SDK1: variants seen among roughly 807,000 people sequenced by gnomAD.
The protein encoded by SDK1 is sidekick cell adhesion molecule 1, also known as protein sidekick-1.
In SDK1, 157 loss-of-function variants were observed where a neutral mutation model predicts 245.5. The observed-to-expected ratio is 0.64, with a 90% CI of 0.56 to 0.73. The LOEUF (loss-of-function observed/expected upper bound fraction) is 0.73. Among genes scored for constraint, SDK1 ranks in the 30% least tolerant of loss-of-function variants. The pLI, the probability that SDK1 is intolerant of heterozygous loss-of-function variation, is 0.00. For synonymous variants in SDK1, 1,647 were observed against 1,278.5 expected, an observed-to-expected ratio of 1.29 and a Z score of -6.15; for missense variants, 3,583 against 3,002.3, an observed-to-expected ratio of 1.19 and a Z score of -4.52.
chr7:4,217,508 C>A (rs868795979), intron 38 of SDK1, among the ~76,000 whole-genome samples: 3,093 of 50,224 alleles, frequency 0.062, 87 homozygotes, highest in Non-Finnish European at 0.074. Flanking sequence ...CCACCCGGAG[C>A]ACCACACCAC....
At chr7:3,462,709 C>T (rs1780871108) in intron 1 of SDK1, among the ~76,000 whole-genome samples, 1 of 152,092 alleles carries the variant, frequency 6.6e-6, no homozygotes, top group South Asian at 2.1e-4. Context: ...ACCATATTTT[C>T]ACCTCAAACA....
chr7:3,676,459 G>C (rs1259745094), intron 4 of SDK1, among the ~76,000 whole-genome samples: 1 of 151,838 alleles, frequency 6.6e-6, no homozygotes, highest in Non-Finnish European at 1.5e-5. Flanking sequence ...CCAAGTAGCT[G>C]GGACTACAGG....
intron 5 of SDK1, among the ~76,000 whole-genome samples, chr7:3,903,602 C>A (rs867018836): frequency 6.6e-6 from 1 of 152,146 alleles, no homozygotes; most frequent in Admixed American, 6.5e-5. Flanking sequence ...ACTATATGAC[C>A]TAGCAATACC....
chr7:3,836,354 A>T (rs978569553), intron 5 of SDK1, among the ~76,000 whole-genome samples: 12 of 152,238 alleles, frequency 7.9e-5, no homozygotes, highest in African/African-American at 2.9e-4. Context: ...CATAACTTCA[A>T]TGTACGAGTG....
chr7:3,508,327 T>TTC (rs368738110), intron 1 of SDK1, among the ~76,000 whole-genome samples: 24,949 of 106,980 alleles, frequency 0.23, 2,116 homozygotes, highest in Admixed American at 0.29. Flanking sequence ...CTTCTTCTTC[T>TTC]TTTTTTTTTT....
intron 1 of SDK1, among the ~76,000 whole-genome samples, chr7:3,605,145 A>AACACACACACACACAC (rs3086077): frequency 0.042 from 6,165 of 147,312 alleles, 264 homozygotes; most frequent in African/African-American, 0.11. Flanking sequence ...AAAAACAAGA[A>AACACACACACACACAC]ACACACACAC....
intron 4 of SDK1, among the ~76,000 whole-genome samples, chr7:3,791,004 G>A (rs1466679557): frequency 6.6e-6 from 1 of 152,138 alleles, no homozygotes; most frequent in Non-Finnish European, 1.5e-5. Flanking sequence ...CCTTGGGCAA[G>A]TTACTTAACC....
intron 1 of SDK1, among the ~76,000 whole-genome samples, chr7:3,354,959 T>G (rs1006435593): frequency 2.6e-5 from 4 of 152,222 alleles, no homozygotes; most frequent in Admixed American, 2.6e-4. Context: ...TGAAAGTGGT[T>G]TACTTTCTTG....
At chr7:3,948,524 A>G (rs1780669296) in intron 5 of SDK1, among the ~76,000 whole-genome samples, 1 of 152,040 alleles carries the variant, frequency 6.6e-6, no homozygotes, top group Non-Finnish European at 1.5e-5. Flanking sequence ...GGCCTCCCAA[A>G]GTGCTGGGAT....
chr7:3,658,042 G>T (rs544434628), intron 4 of SDK1, among the ~76,000 whole-genome samples: 1 of 152,250 alleles, frequency 6.6e-6, no homozygotes, highest in Admixed American at 6.5e-5. Context: ...CGTGATGCTT[G>T]GTGTCTAAAG....
At chr7:3,460,356 C>T (rs1328857138) in intron 1 of SDK1, among the ~76,000 whole-genome samples, 1 of 152,078 alleles carries the variant, frequency 6.6e-6, no homozygotes, top group East Asian at 1.9e-4. Flanking sequence ...TTTAGGAGCT[C>T]CACTTTGGAA....
intron 4 of SDK1, among the ~76,000 whole-genome samples, chr7:3,754,387 T>G (rs1024590409): frequency 1.7e-4 from 26 of 152,212 alleles, no homozygotes; most frequent in African/African-American, 6.0e-4. Flanking sequence ...TCAGGTAACT[T>G]AGCAAACTGT....
At chr7:3,877,759 T>G (rs1781110200) in intron 5 of SDK1, among the ~76,000 whole-genome samples, 1 of 152,232 alleles carries the variant, frequency 6.6e-6, no homozygotes, top group Non-Finnish European at 1.5e-5. Context: ...CTAAAGTCAA[T>G]GTGGATAACC....
At chr7:3,525,478 T>C (rs759591187) in intron 1 of SDK1, among the ~76,000 whole-genome samples, 7 of 152,146 alleles carry the variant, frequency 4.6e-5, no homozygotes, top group African/African-American at 1.4e-4. Context: ...TCTGTGAGTG[T>C]GGTTGGTTAA....
chr7:3,743,232 C>G (rs2115054968), intron 4 of SDK1, among the ~76,000 whole-genome samples: 1 of 152,184 alleles, frequency 6.6e-6, no homozygotes, highest in South Asian at 2.1e-4. Context: ...AAGAGGCAGT[C>G]TGTTAAGCTT....
chr7:3,318,549 A>C (rs530157491), intron 1 of SDK1, among the ~76,000 whole-genome samples: 17 of 152,326 alleles, frequency 1.1e-4, no homozygotes. Context: ...TTCTCAACTG[A>C]AATACACAGA....
intron 25 of SDK1, among the ~76,000 whole-genome samples, chr7:4,126,764 A>G (rs1481058935): frequency 6.6e-6 from 1 of 152,246 alleles, no homozygotes; most frequent in African/African-American, 2.4e-5. Context: ...TCGGCTGCCC[A>G]TCTCCTTTTA....
intron 42 of SDK1, among the ~76,000 whole-genome samples, chr7:4,238,957 G>A (rs1786358380): frequency 6.6e-6 from 1 of 152,156 alleles, no homozygotes; most frequent in African/African-American, 2.4e-5. Flanking sequence ...AGACGTTGAT[G>A]TTTTGCTGTG....
intron 44 of SDK1, among the ~76,000 whole-genome samples, chr7:4,253,281 C>G (rs1434296829): frequency 6.6e-6 from 1 of 152,140 alleles, no homozygotes; most frequent in Non-Finnish European, 1.5e-5. Context: ...AAAAATTCCC[C>G]TCTAAGCACT....
Sources: allele counts gnomAD v4.1 joint callset (sites outside exome capture counted in the v4.1 genomes callset), GRCh38; gene constraint gnomAD v4.1.1; transcripts MANE v1.5; gene names NCBI Gene and HGNC (gene_info 2026-07-23, HGNC 2026-07-21).